Variants in EYA2 observed in about 807,000 individuals in gnomAD.
EYA2 encodes protein phosphatase EYA2.
In EYA2, 31 loss-of-function variants were observed where a neutral mutation model predicts 69.2. That is an observed-to-expected ratio of 0.45 (90% CI 0.34 to 0.60). The LOEUF (loss-of-function observed/expected upper bound fraction) is 0.60. Among genes scored for constraint, EYA2 ranks in the 20% least tolerant of loss-of-function variants. EYA2 has a pLI of 0.02. For synonymous variants in EYA2, 257 were observed against 279.4 expected (o/e 0.92, Z 0.80); for missense variants, 622 against 701.2 (o/e 0.89, Z 1.28).
At chr20:47,010,422 C>T (rs1202495716) in intron 4 of EYA2, among the ~76,000 whole-genome samples, 1 of 152,104 alleles carries the variant, frequency 6.6e-6, no homozygotes, top group African/African-American at 2.4e-5. Flanking sequence ...GCATGGTGGG[C>T]TCAGGTTCCA....
At position 47,101,867 on chromosome 20, in the gene EYA2, C is replaced by G. The variant is rs76538619; in HGVS notation, c.888+4699C>G. On this transcript the variant is annotated intron_variant, in intron 9 of 15. Coordinates refer to ENST00000327619, the MANE Select transcript of EYA2 (RefSeq NM_005244.5). ...TGTGTAGTTGGTGGGATATTCATGA[C>G]AGAACCAAAACTCATGGCCTCAGCT... Among the ~76,000 whole-genome samples, 4 of 152,300 alleles carry G rather than the reference C, an allele frequency of 2.6e-5. No homozygotes were observed. The East Asian group carries it at 7.7e-4, about 29-fold the overall frequency.
At chr20:47,030,712 G>A (rs1441957864) in intron 5 of EYA2, among the ~76,000 whole-genome samples, 1 of 149,148 alleles carries the variant, frequency 6.7e-6, no homozygotes, top group Non-Finnish European at 1.5e-5. Flanking sequence ...CTCGCTCTGT[G>A]AACACATGGC....
intron 5 of EYA2, among the ~76,000 whole-genome samples, chr20:47,032,457 CTATG>C (rs1984472324): frequency 1.3e-5 from 2 of 152,280 alleles, no homozygotes; most frequent in East Asian, 1.9e-4. Context: ...AGAACATTCT[CTATG>C]TATGCATTTA....
At chr20:46,946,655 T>C (rs1409446326) in intron 1 of EYA2, among the ~76,000 whole-genome samples, 3 of 151,686 alleles carry the variant, frequency 2.0e-5, no homozygotes, top group East Asian at 3.9e-4. Context: ...CTGTAACTAC[T>C]CAACTCTGCT....
At chr20:47,181,241 G>A (rs1187019623) in intron 14 of EYA2, among the ~76,000 whole-genome samples, 1 of 152,220 alleles carries the variant, frequency 6.6e-6, no homozygotes, top group South Asian at 2.1e-4. Flanking sequence ...TTTCTCCCTA[G>A]TAGAACAGAC....
intron 9 of EYA2, among the ~76,000 whole-genome samples, chr20:47,112,862 C>CTTTTTTTTTTTT (rs11473217): frequency 0.016 from 888 of 55,826 alleles, 202 homozygotes; most frequent in Non-Finnish European, 0.023. Flanking sequence ...ATGTTCACTC[C>CTTTTTTTTTTTT]TTTTTTTTTT....
rs2032329123 is a variant in EYA2, at chr20:47,098,633, G to GGGACATGGC, written c.888+1465_888+1466insGGACATGGC. Among the ~76,000 whole-genome samples the GGGACATGGC allele has an allele frequency of 2.0e-5, 3 of 152,134 alleles. No homozygotes were observed. The South Asian group carries it at 6.2e-4, about 32-fold the overall frequency. On this transcript the variant is annotated intron_variant, in intron 9 of 15. Transcript: ENST00000327619. Reference sequence around the variant, plus strand: ...TCCTTTCTGGGCCCCATGTCCCCTGGCCCATGCCATTCCTCACTGCCAGCC... The same window carrying GGGACATGGC: ...TCCTTTCTGGGCCCCATGTCCCCTGGGGACATGGCCCCATGCCATTCCTCACTGCCAGCC...
At chr20:47,020,234 G>A (rs906536392) in intron 5 of EYA2, among the ~76,000 whole-genome samples, 18 of 152,182 alleles carry the variant, frequency 1.2e-4, no homozygotes, top group African/African-American at 4.3e-4. Context: ...CTGCAACAGA[G>A]TGTCTTACGG....
At chr20:47,133,019 G>C (rs1053004530) in intron 9 of EYA2, among the ~76,000 whole-genome samples, 3 of 152,216 alleles carry the variant, frequency 2.0e-5, no homozygotes, top group Non-Finnish European at 4.4e-5. Flanking sequence ...TGCATGCTGA[G>C]TTAAGAATCT....
intron 4 of EYA2, among the ~76,000 whole-genome samples, chr20:47,011,299 C>CTGTGCCA (rs1271707869): frequency 1.3e-5 from 2 of 152,166 alleles, no homozygotes; most frequent in African/African-American, 4.8e-5. Flanking sequence ...GTACTCTGGG[C>CTGTGCCA]TGTGCCATGT....
chr20:47,060,154 G>T (rs1370519504), intron 5 of EYA2, among the ~76,000 whole-genome samples: 1 of 152,208 alleles, frequency 6.6e-6, no homozygotes, highest in Non-Finnish European at 1.5e-5. Flanking sequence ...TATCAGTGAG[G>T]AATGCTTTTA....
chr20:47,167,428 G>C (rs758506460), intron 10 of EYA2, among the ~76,000 whole-genome samples: 33 of 151,710 alleles, frequency 2.2e-4, no homozygotes, highest in Non-Finnish European at 4.3e-4. Context: ...GACCACAGAT[G>C]TGCACCACCA....
chr20:46,952,730 G>A (rs1273076043), intron 1 of EYA2, among the ~76,000 whole-genome samples: 1 of 152,236 alleles, frequency 6.6e-6, no homozygotes, highest in Non-Finnish European at 1.5e-5. Context: ...AGGCCTGCGA[G>A]TTCAGCCCCA....
chr20:46,952,018 C>G (rs1978833510), intron 1 of EYA2, among the ~76,000 whole-genome samples: 1 of 152,228 alleles, frequency 6.6e-6, no homozygotes. Flanking sequence ...GCCCACAAGT[C>G]TCTCTTTCTG....
At chr20:47,024,496 C>T (rs2145133) in intron 5 of EYA2, among the ~76,000 whole-genome samples, 1 of 152,118 alleles carries the variant, frequency 6.6e-6, no homozygotes, top group African/African-American at 2.4e-5. Context: ...GGGTAGTTTC[C>T]TTACACCCAT....
At chr20:47,052,294 G>A (rs1218449984) in intron 5 of EYA2, among the ~76,000 whole-genome samples, 1 of 152,204 alleles carries the variant, frequency 6.6e-6, no homozygotes, top group Non-Finnish European at 1.5e-5. Context: ...GCTTTAGCTG[G>A]AGTGGTCAGG....
intron 8 of EYA2, among the ~76,000 whole-genome samples, chr20:47,094,309 A>G (rs1253769086): frequency 1.3e-5 from 2 of 152,240 alleles, no homozygotes; most frequent in African/African-American, 4.8e-5. Flanking sequence ...AGGACTTGGC[A>G]TATTTGAATC....
At position 47,125,129 on chromosome 20, in the gene EYA2, C is replaced by T. The variant is rs555565437; in HGVS notation, c.889-17930C>T. Among the ~76,000 whole-genome samples the T allele has an allele frequency of 2.1e-5, 3 of 146,122 alleles. No homozygotes were observed. In the South Asian group the frequency reaches 6.6e-4, roughly 32 times the overall value. ...AGTGCAGTGGCACTATCTCGGCTCA[C>T]TGCAAGCTCCACCTCCTGGGTTCAC... is the stretch of plus-strand genomic sequence containing the variant. On this transcript the variant is annotated intron_variant, in intron 9 of 15. Coordinates refer to ENST00000327619, the MANE Select transcript of EYA2 (RefSeq NM_005244.5).
chr20:47,098,808 G>A (rs1014530464), intron 9 of EYA2, among the ~76,000 whole-genome samples: 17 of 152,160 alleles, frequency 1.1e-4, no homozygotes, highest in Non-Finnish European at 2.4e-4. Flanking sequence ...CTCTCCAGCC[G>A]AAAAATCTTC....
Sources: gnomAD v4.1 joint callset for allele counts (sites outside exome capture counted in the v4.1 genomes callset) on GRCh38, gnomAD v4.1.1 for gene constraint, MANE v1.5 for transcripts, NCBI Gene and HGNC (gene_info 2026-07-23, HGNC 2026-07-21) for gene names.